PSTPIP2: variants seen among roughly 807,000 people sequenced by gnomAD.
PSTPIP2 encodes the protein proline-serine-threonine phosphatase-interacting protein 2.
A neutral mutation model predicts 63.3 loss-of-function variants in PSTPIP2; 33 were observed. The ratio of observed to expected loss-of-function variants is 0.52; its 90% CI spans 0.40 to 0.70. PSTPIP2 has a LOEUF of 0.70. PSTPIP2 is among the 30% of genes least tolerant of loss of function. The probability of loss-of-function intolerance (pLI) is 0.00; values close to 1 mark genes in which losing one functional copy is unlikely to be tolerated. For missense variants in PSTPIP2, 312 were observed against 400.7 expected, an observed-to-expected ratio of 0.78 and a Z score of 1.89; for synonymous variants, 125 against 132.7, an observed-to-expected ratio of 0.94 and a Z score of 0.40.
At chr18:46,029,266 C>T in intron 2 of PSTPIP2, 1 of 1,335,454 alleles carries the variant, frequency 7.5e-7, no homozygotes, top group African/African-American at 1.4e-5. Context: ...CCAGATGGGT[C>T]CTTCTTGCTC....
intron 9 of PSTPIP2, among the ~76,000 whole-genome samples, chr18:45,995,567 C>G (rs1443754685): frequency 6.6e-6 from 1 of 152,130 alleles, no homozygotes. Context: ...GCATAATAAC[C>G]TACAGTATCA....
chr18:46,051,971 C>G (rs979925164), intron 1 of PSTPIP2, among the ~76,000 whole-genome samples: 1 of 152,224 alleles, frequency 6.6e-6, no homozygotes, highest in Admixed American at 6.5e-5. Context: ...CGGGTCTCCT[C>G]CTGATCCATG....
At chr18:46,043,173 C>T (rs1599736633) in intron 1 of PSTPIP2, among the ~76,000 whole-genome samples, 1 of 146,706 alleles carries the variant, frequency 6.8e-6, no homozygotes, top group East Asian at 2.0e-4. Flanking sequence ...ATCGCTTGAG[C>T]TCAGAAGTTC....
Position 45,997,763 on chromosome 18 carries a change from T to G in PSTPIP2, c.628A>C (p.Ile210Leu), listed in dbSNP as rs1441598642. 6.8e-7 allele frequency: 1 copy of G among 1,480,318 alleles called. No individual in the cohort carries two copies. The highest frequency in any genetic ancestry group is 1.1e-5 in the South Asian group (1 of 88,856). 91.7% of individuals were successfully genotyped at this position (1,480,318 alleles called of 1,614,324 possible). Residue 210 changes from isoleucine to leucine, a missense_variant, in exon 9 of 15, where the codon ATC becomes CTC. Transcript: ENST00000409746. ...KVREEWQSEH[I>L]KACEAFEAQE... The stretch of plus-strand genomic sequence containing the variant: ...GTTACGGGTACCTCGCAGGCCTTGA[T>G]GTGCTCACTCTGCCACTCTTCTCGG...
At chr18:46,051,736 C>T (rs530330881) in intron 1 of PSTPIP2, among the ~76,000 whole-genome samples, 1 of 152,258 alleles carries the variant, frequency 6.6e-6, no homozygotes, top group East Asian at 1.9e-4. Context: ...AAAGAGAAAA[C>T]CTGAGAATTG....
At chr18:46,040,109 A>G in intron 1 of PSTPIP2, 62 bp from the exon 2 acceptor site, 1 of 1,347,102 alleles carries the variant, frequency 7.4e-7, no homozygotes, top group Non-Finnish European at 1.0e-6. Flanking sequence ...GGCCGGAGAG[A>G]AGATAAGACA....
In PSTPIP2 at chr18:45,997,731, G is replaced by C; in HGVS notation, c.642+18C>G. 1.3e-6 allele frequency: 1 copy of C among 787,526 alleles called. No homozygotes were observed. The highest frequency in any genetic ancestry group is 1.9e-6 in the Non-Finnish European group (1 of 516,634). 48.8% of individuals were successfully genotyped at this position (787,526 alleles called of 1,614,324 possible). A position where few individuals can be genotyped will look rare whatever the true frequency, so the allele number is the denominator to read the frequency against. ...CACCCACCCACCCCAGTCCTGAGCAGCTTCCGGTTACGGGTACCTCGCAGG... is the reference window on the plus strand; with the variant it reads ...CACCCACCCACCCCAGTCCTGAGCACCTTCCGGTTACGGGTACCTCGCAGG... On this transcript the variant is annotated intron_variant, in intron 9 of 14. Transcript: ENST00000409746.
intron 1 of PSTPIP2, among the ~76,000 whole-genome samples, chr18:46,058,452 G>A (rs182103421): frequency 1.1e-4 from 16 of 152,114 alleles, no homozygotes; most frequent in Admixed American, 4.6e-4. Flanking sequence ...CTCCTCCCGG[G>A]TTCAAGCAAC....
At chr18:46,037,074 C>T (rs972436925) in intron 2 of PSTPIP2, among the ~76,000 whole-genome samples, 3 of 152,130 alleles carry the variant, frequency 2.0e-5, no homozygotes, top group African/African-American at 7.2e-5. Flanking sequence ...ATCTTTGCCC[C>T]TGTATTTGTG....
intron 1 of PSTPIP2, among the ~76,000 whole-genome samples, chr18:46,056,297 T>A: frequency 6.6e-6 from 1 of 152,222 alleles, no homozygotes; most frequent in East Asian, 1.9e-4. Flanking sequence ...AATCCATGCT[T>A]CCCTCTGTTG....
chr18:46,004,996 T>C (rs1306530407), intron 6 of PSTPIP2, among the ~76,000 whole-genome samples: 1 of 152,194 alleles, frequency 6.6e-6, no homozygotes, highest in African/African-American at 2.4e-5. Context: ...AAAGAATATG[T>C]GGTACATATA....
chr18:46,061,041 C>T (rs1038862685), intron 1 of PSTPIP2, among the ~76,000 whole-genome samples: 1 of 152,190 alleles, frequency 6.6e-6, no homozygotes, highest in Non-Finnish European at 1.5e-5. Flanking sequence ...TGGTAGCTCA[C>T]ACCTATAATC....
intron 6 of PSTPIP2, 103 bp from the exon 7 acceptor site, chr18:45,999,637 AT>A: frequency 8.9e-7 from 1 of 1,121,962 alleles, no homozygotes; most frequent in Non-Finnish European, 1.3e-6. Flanking sequence ...GGGCCGTCTG[AT>A]TAGTGCTCTG....
intron 2 of PSTPIP2, among the ~76,000 whole-genome samples, chr18:46,031,008 T>A (rs1398404143): frequency 6.6e-6 from 1 of 152,252 alleles, no homozygotes; most frequent in East Asian, 1.9e-4. Context: ...TATGTAATCA[T>A]AATCAGTATT....
chr18:46,028,465 T>C lies in PSTPIP2; in HGVS notation c.135-3779A>G, dbSNP rs1281141701. 3.0e-5 allele frequency: 18 copies of C among 601,328 alleles called. No individual in the cohort carries two copies. The Admixed American group carries it at 3.6e-4, about 12-fold the overall frequency. 37.2% of individuals were successfully genotyped at this position (601,328 alleles called of 1,614,324 possible). A position where few individuals can be genotyped will look rare whatever the true frequency, so the allele number is the denominator to read the frequency against. ...GACGCTGGAGAAGACAAACCGGCCG[T>C]GGAGTGGTGCCTGGAGGAGCTGGTC... On this transcript the variant is annotated intron_variant, in intron 2 of 14. Coordinates refer to ENST00000409746, the MANE Select transcript of PSTPIP2 (RefSeq NM_024430.4).
At position 45,984,746 on chromosome 18, in the gene PSTPIP2, T is replaced by A. The variant is rs2051451009; in HGVS notation, c.*713A>T. 6.6e-6 allele frequency: 1 copy of A among 152,170 alleles called. No individual in the cohort carries two copies. Among genetic ancestry groups the A allele is most frequent in the Non-Finnish European group, 1.5e-5 (1 of 68,048 alleles). 9.4% of individuals were successfully genotyped at this position (152,170 alleles called of 1,614,324 possible). ...ACACAGGGATCCACATAAAAATAAA[T>A]CTGACATTTAAACCCTGGTGATTCT... is the stretch of plus-strand genomic sequence containing the variant. On this transcript the variant is annotated 3_prime_UTR_variant, in exon 15 of 15. Transcript: ENST00000409746.
intron 9 of PSTPIP2, among the ~76,000 whole-genome samples, chr18:45,997,089 T>G (rs2051603907): frequency 6.6e-6 from 1 of 152,254 alleles, no homozygotes; most frequent in South Asian, 2.1e-4. Context: ...AAATTTGAAC[T>G]GTTGGACAGC....
At chr18:46,036,964 G>A (rs1009554590) in intron 2 of PSTPIP2, among the ~76,000 whole-genome samples, 1 of 152,172 alleles carries the variant, frequency 6.6e-6, no homozygotes, top group East Asian at 1.9e-4. Context: ...TGGTATAAAT[G>A]TATGTGTATT....
At chr18:46,038,984 A>C (rs1908088604) in intron 2 of PSTPIP2, among the ~76,000 whole-genome samples, 1 of 152,194 alleles carries the variant, frequency 6.6e-6, no homozygotes, top group Non-Finnish European at 1.5e-5. Flanking sequence ...TAAAAATGCA[A>C]AGTGTGAGTA....
Sources: allele counts gnomAD v4.1 joint callset (sites outside exome capture counted in the v4.1 genomes callset), GRCh38; gene constraint gnomAD v4.1.1; transcripts MANE v1.5; gene names NCBI Gene and HGNC (gene_info 2026-07-23, HGNC 2026-07-21).